The following MAPK14 variants were observed in gnomAD, a reference collection of about 807,000 sequenced individuals.
MAPK14 encodes CSAID-binding protein.
MAPK14 carries 16 observed loss-of-function variants against 49.6 expected under a neutral mutation model. The ratio of observed to expected loss-of-function variants is 0.32; its 90% CI spans 0.22 to 0.49. The LOEUF is 0.49. MAPK14 is among the 20% of genes least tolerant of loss of function. The pLI, the probability that MAPK14 is intolerant of heterozygous loss-of-function variation, is 0.99. For synonymous variants in MAPK14, 142 were observed against 158.0 expected (o/e 0.90, Z 0.76); for missense variants, 200 against 441.2 (o/e 0.45, Z 4.90).
chr6:36,100,284 T>C (rs781414205), intron 9 of MAPK14: 2 of 1,572,702 alleles, frequency 1.3e-6, no homozygotes, highest in African/African-American at 2.7e-5. Flanking sequence ...ACAAAGAGAC[T>C]GTACAGGGAT....
chr6:36,056,226 C>T (rs981310579), intron 2 of MAPK14, among the ~76,000 whole-genome samples: 6 of 152,036 alleles, frequency 3.9e-5, no homozygotes, highest in African/African-American at 1.4e-4. Flanking sequence ...TTGTAATTGT[C>T]TATTCAACTG....
In MAPK14 at chr6:36,109,741, T is replaced by G. The variant is rs1765910321; in HGVS notation, c.*1294T>G. 1 of 152,548 alleles carries G rather than the reference T, an allele frequency of 6.6e-6. No individual in the cohort carries two copies. The highest frequency in any genetic ancestry group is 2.4e-5 in the African/African-American group (1 of 41,432). The allele number at this position is 152,548 out of a possible 1,614,324, so 9.4% of individuals were successfully genotyped here. On this transcript the variant is annotated 3_prime_UTR_variant, in exon 12 of 12. Coordinates refer to ENST00000229794, the MANE Select transcript of MAPK14 (RefSeq NM_139012.3). ...TTCGGAAACAAGTTATTCTCTTCAC[T>G]CCCAATAACTAATGCTAAGAAATGC... is the stretch of plus-strand genomic sequence containing the variant.
At chr6:36,071,052 G>T (rs934403654) in intron 3 of MAPK14, among the ~76,000 whole-genome samples, 6 of 152,056 alleles carry the variant, frequency 3.9e-5, no homozygotes, top group Admixed American at 3.9e-4. Context: ...CAGCCTCTTA[G>T]CCAGGCACGG....
At chr6:36,113,344 A>T (rs1038927744), downstream of MAPK14, among the ~76,000 whole-genome samples, 5 of 56,532 alleles carry the variant, frequency 8.8e-5, no homozygotes, top group Non-Finnish European at 1.2e-4. Flanking sequence ...CCTGTCTCAT[A>T]AAAAAAAAAA....
At position 36,092,493 on chromosome 6, in the gene MAPK14, GT is replaced by G. The variant is rs545649581; in HGVS notation, c.683-3492del. 1.8e-3 allele frequency: 1,069 copies of G among 578,636 alleles called. 23 individuals carry two copies. The highest frequency in any genetic ancestry group is 0.015 in the South Asian group (991 of 65,936). The allele number at this position is 578,636 out of a possible 1,614,324, so 35.8% of individuals were successfully genotyped here. On this transcript the variant is annotated intron_variant, in intron 8 of 11. Transcript: ENST00000229794. ...ATCATCACCAGTCTGTTCTTTCCTG[GT>G]TGTATGTTTCACTGAGTCCCAAGTT...
intron 3 of MAPK14, among the ~76,000 whole-genome samples, chr6:36,062,662 C>CTTT (rs67561112): frequency 6.0e-5 from 8 of 132,430 alleles, no homozygotes; most frequent in Non-Finnish European, 1.1e-4. Flanking sequence ...TTTTTCTTTT[C>CTTT]TTTTTTTTTT....
chr6:36,050,146 C>T (rs1189701883), intron 1 of MAPK14, among the ~76,000 whole-genome samples: 2 of 152,172 alleles, frequency 1.3e-5, no homozygotes, highest in African/African-American at 4.8e-5. Context: ...ACCTCAGTTC[C>T]TTGGATTCAG....
chr6:36,105,381 A>G (rs375633810), intron 10 of MAPK14, among the ~76,000 whole-genome samples: 2 of 152,090 alleles, frequency 1.3e-5, no homozygotes, highest in East Asian at 1.9e-4. Context: ...TAGCTGAGAC[A>G]ACAGGCACAT....
chr6:36,104,873 T>C (rs1264597762), intron 10 of MAPK14, among the ~76,000 whole-genome samples: 4 of 152,194 alleles, frequency 2.6e-5, no homozygotes, highest in Non-Finnish European at 4.4e-5. Context: ...TACCTCCTGA[T>C]AGGTCTTCCC....
chr6:36,104,458 G>A (rs914921024), intron 10 of MAPK14, among the ~76,000 whole-genome samples: 6 of 151,984 alleles, frequency 3.9e-5, no homozygotes, highest in African/African-American at 1.2e-4. Flanking sequence ...TGCGATCTCG[G>A]CTCATTGCAA....
intron 10 of MAPK14, among the ~76,000 whole-genome samples, chr6:36,106,163 C>T (rs562125766): frequency 6.6e-6 from 1 of 152,254 alleles, no homozygotes; most frequent in Admixed American, 6.5e-5. Context: ...CACAGCATCA[C>T]CTGTATTTTT....
chr6:36,091,844 CTTT>C (rs1185804651), intron 8 of MAPK14: 7 of 124,894 alleles, frequency 5.6e-5, no homozygotes, highest in South Asian at 1.8e-4. Flanking sequence ...CTTTTCTTTT[CTTT>C]TTTTTTTTTT....
chr6:36,082,748 G>T (rs570217853), intron 8 of MAPK14, among the ~76,000 whole-genome samples: 1 of 152,182 alleles, frequency 6.6e-6, no homozygotes, highest in South Asian at 2.1e-4. Context: ...CCAACATTGG[G>T]GATCACATTT....
intron 7 of MAPK14, 108 bp downstream of exon 7, chr6:36,076,070 C>T (rs564269297): frequency 8.7e-7 from 1 of 1,143,790 alleles, no homozygotes; most frequent in South Asian, 1.4e-5. Context: ...CTTTTCTTCC[C>T]TCAGTGATCC....
At chr6:36,098,416 T>C (rs1765522012) in intron 9 of MAPK14, among the ~76,000 whole-genome samples, 1 of 152,204 alleles carries the variant, frequency 6.6e-6, no homozygotes, top group Non-Finnish European at 1.5e-5. Flanking sequence ...CTCACATTTG[T>C]CATCACAGCA....
chr6:36,112,614 TC>T (rs1194108975), downstream of MAPK14, among the ~76,000 whole-genome samples: 1 of 152,112 alleles, frequency 6.6e-6, no homozygotes, highest in African/African-American at 2.4e-5. Context: ...GAGGGCTTCA[TC>T]AGTTTTCAGA....
intron 3 of MAPK14, among the ~76,000 whole-genome samples, chr6:36,068,175 A>G (rs1255547945): frequency 6.6e-6 from 1 of 152,148 alleles, no homozygotes; most frequent in African/African-American, 2.4e-5. Flanking sequence ...GAGGAAGAGC[A>G]TTCCAGGCAG....
chr6:36,072,828 T>C, intron 3 of MAPK14, 45 bp from the exon 4 acceptor site: 8 of 1,058,858 alleles, frequency 7.6e-6, no homozygotes, highest in Non-Finnish European at 9.9e-6. Context: ...ATAAGAACTT[T>C]CTTAGGGGTT....
the MAPK14 span, among the ~76,000 whole-genome samples, chr6:36,116,629 C>G: frequency 6.6e-6 from 1 of 151,988 alleles, no homozygotes; most frequent in East Asian, 1.9e-4. Flanking sequence ...GTATGATAAC[C>G]AAAAATGGCC....
Sources: gnomAD v4.1 joint callset for allele counts (sites outside exome capture counted in the v4.1 genomes callset) on GRCh38, gnomAD v4.1.1 for gene constraint, MANE v1.5 for transcripts, NCBI Gene and HGNC (gene_info 2026-07-23, HGNC 2026-07-21) for gene names.